TLN2: variants seen among roughly 807,000 people sequenced by gnomAD.
TLN2 encodes talin-2.
TLN2 carries 118 observed loss-of-function variants against 294.7 expected under a neutral mutation model. The observed-to-expected ratio is 0.40, with a 90% CI of 0.34 to 0.47. The LOEUF is 0.47. Ranked by LOEUF, TLN2 falls within the 20% of genes least tolerant of loss-of-function variation. The pLI is 0.84. For missense variants in TLN2, 3,083 were observed against 3,282.2 expected, an observed-to-expected ratio of 0.94 and a Z score of 1.48; for synonymous variants, 1,431 against 1,304.5, an observed-to-expected ratio of 1.10 and a Z score of -2.09.
chr15:62,546,796 G>T (rs369551090), intron 1 of TLN2, among the ~76,000 whole-genome samples: 1 of 152,180 alleles, frequency 6.6e-6, no homozygotes, highest in Non-Finnish European at 1.5e-5. Context: ...TTACAATAAA[G>T]CTCAACCTTG....
intron 52 of TLN2, among the ~76,000 whole-genome samples, chr15:62,817,814 C>CT (rs1179496167): frequency 0.022 from 2,588 of 115,720 alleles, 52 homozygotes; most frequent in African/African-American, 0.027. Flanking sequence ...TCCATTCTAT[C>CT]TTTTTTTTTT....
intron 1 of TLN2, among the ~76,000 whole-genome samples, chr15:62,546,527 C>G (rs571994305): frequency 7.2e-5 from 11 of 152,284 alleles, no homozygotes; most frequent in African/African-American, 2.2e-4. Context: ...GGGAAGTGTT[C>G]TGGACTGGCT....
chr15:62,431,494 C>T (rs141489295), intron 1 of TLN2, among the ~76,000 whole-genome samples: 172 of 152,254 alleles, frequency 1.1e-3, no homozygotes, highest in African/African-American at 3.8e-3. Flanking sequence ...CCGAAGTCAC[C>T]GGAACAGGTA....
intron 19 of TLN2, among the ~76,000 whole-genome samples, chr15:62,703,274 TG>T (rs1299586524): frequency 1.3e-5 from 2 of 152,032 alleles, no homozygotes; most frequent in African/African-American, 2.4e-5. Context: ...GGCTAATTTT[TG>T]TATTTTTAGT....
chr15:62,491,987 T>C (rs2038753641), intron 1 of TLN2, among the ~76,000 whole-genome samples: 1 of 152,128 alleles, frequency 6.6e-6, no homozygotes, highest in Non-Finnish European at 1.5e-5. Flanking sequence ...AGTGGGGGCG[T>C]CTTTTTCTCT....
chr15:62,595,030 A>G (rs1002437666), intron 2 of TLN2, among the ~76,000 whole-genome samples: 20 of 152,256 alleles, frequency 1.3e-4, no homozygotes, highest in Non-Finnish European at 1.9e-4. Flanking sequence ...GCCAACAAGT[A>G]TATGAAAAAA....
intron 28 of TLN2, among the ~76,000 whole-genome samples, chr15:62,735,131 C>T (rs2060940757): frequency 6.6e-6 from 1 of 152,258 alleles, no homozygotes; most frequent in Non-Finnish European, 1.5e-5. Context: ...AAGCTCAGAT[C>T]TAGCTCTCTT....
chr15:62,792,804 A>G lies in TLN2; in HGVS notation c.5883+17A>G, dbSNP rs780745886. On this transcript the variant is annotated intron_variant, in intron 46 of 58. Coordinates refer to ENST00000636159, the MANE Select transcript of TLN2 (RefSeq NM_015059.3). ...ACGGAAAAGGTAAGGAGCAGCCCTC[A>G]GTTTAGAGTCACAAGAACCTGCGCT... 1.2e-6 allele frequency: 2 copies of G among 1,613,368 alleles called. No individual in the cohort carries two copies. Among genetic ancestry groups the G allele is most frequent in the Non-Finnish European group, 1.7e-6 (2 of 1,179,820 alleles).
chr15:62,430,934 C>CAAAAAAAA (rs10649000), intron 1 of TLN2, among the ~76,000 whole-genome samples: 1 of 143,660 alleles, frequency 7.0e-6, no homozygotes. Flanking sequence ...CAGGAAAAGC[C>CAAAAAAAA]AAAAAAAAAA....
rs148984314 is a variant in TLN2 at position 62,672,936 on chromosome 15, T to C, written c.789-891T>C. Among the ~76,000 whole-genome samples, 358 of 152,352 alleles carry C rather than the reference T, an allele frequency of 2.3e-3. 1 individual carries two copies. Among genetic ancestry groups the C allele is most frequent in the Non-Finnish European group, 3.4e-3 (233 of 68,028 alleles). On this transcript the variant is annotated intron_variant, in intron 9 of 58. Transcript: ENST00000636159. ...AAAAGATGCAGAATGTTTAGCCAAG[T>C]CTTTTTGCATTTTGTTTATTTTTAT... is the stretch of plus-strand genomic sequence containing the variant.
intron 2 of TLN2, among the ~76,000 whole-genome samples, chr15:62,595,176 C>T (rs946481064): frequency 2.6e-5 from 4 of 152,252 alleles, no homozygotes; most frequent in Non-Finnish European, 5.9e-5. Flanking sequence ...TATCCCAGCA[C>T]TTTGGGAGGC....
chr15:62,683,356 A>C (rs1222758836), intron 11 of TLN2, among the ~76,000 whole-genome samples: 2 of 152,208 alleles, frequency 1.3e-5, no homozygotes, highest in Non-Finnish European at 2.9e-5. Flanking sequence ...CCGTAGTTTT[A>C]GCTGAAATAC....
At chr15:62,494,263 A>T (rs905194442) in intron 1 of TLN2, among the ~76,000 whole-genome samples, 1 of 151,740 alleles carries the variant, frequency 6.6e-6, no homozygotes, top group Admixed American at 6.6e-5. Context: ...TGGACCCTTG[A>T]CAAAATTTAA....
intron 2 of TLN2, among the ~76,000 whole-genome samples, chr15:62,616,841 A>C (rs949385808): frequency 2.0e-5 from 3 of 152,212 alleles, no homozygotes; most frequent in African/African-American, 7.2e-5. Flanking sequence ...TTGCCTTGTT[A>C]GTCTCTTATT....
At chr15:62,585,013 G>T (rs2045470527) in intron 1 of TLN2, among the ~76,000 whole-genome samples, 1 of 152,150 alleles carries the variant, frequency 6.6e-6, no homozygotes, top group Admixed American at 6.5e-5. Flanking sequence ...TTACACACAT[G>T]CAGTTGATGT....
chr15:62,783,148 A>G (rs1247551832), intron 44 of TLN2, among the ~76,000 whole-genome samples: 1 of 152,156 alleles, frequency 6.6e-6, no homozygotes, highest in Non-Finnish European at 1.5e-5. Context: ...TGTGGCTAAA[A>G]CCTTGTCATT....
intron 3 of TLN2, among the ~76,000 whole-genome samples, chr15:62,642,759 ACAATCT>A (rs1290658269): frequency 6.7e-6 from 1 of 150,108 alleles, no homozygotes. Context: ...GTGCAGTGGC[ACAATCT>A]CTGCTCATTG....
chr15:62,627,905 T>G (rs2049425924), intron 3 of TLN2, among the ~76,000 whole-genome samples: 1 of 152,240 alleles, frequency 6.6e-6, no homozygotes. Flanking sequence ...TTTGCCTGTG[T>G]CATGTGCAGT....
chr15:62,437,525 A>G (rs1367145015), intron 1 of TLN2, among the ~76,000 whole-genome samples: 2 of 152,156 alleles, frequency 1.3e-5, no homozygotes, highest in Admixed American at 1.3e-4. Flanking sequence ...GGTGTGAGAC[A>G]TGACACCTGG....
Sources: gnomAD v4.1 joint callset for allele counts (sites outside exome capture counted in the v4.1 genomes callset) on GRCh38, gnomAD v4.1.1 for gene constraint, MANE v1.5 for transcripts, NCBI Gene and HGNC (gene_info 2026-07-23, HGNC 2026-07-21) for gene names.